Variants in CCBE1 observed in about 807,000 individuals in gnomAD.
The protein encoded by CCBE1 is collagen and calcium binding EGF domains 1.
CCBE1 carries 37 observed loss-of-function variants against 50.0 expected under a neutral mutation model. That is an observed-to-expected ratio of 0.74 (90% CI 0.57 to 0.97). The LOEUF (loss-of-function observed/expected upper bound fraction) is 0.97. Among genes scored for constraint, CCBE1 ranks in the 50% least tolerant of loss-of-function variants. The pLI is 0.00. For synonymous variants in CCBE1, 234 were observed against 203.7 expected (o/e 1.15, Z -1.27); for missense variants, 538 against 523.8 (o/e 1.03, Z -0.26).
intron 2 of CCBE1, among the ~76,000 whole-genome samples, chr18:59,490,483 T>G (rs1913048721): frequency 6.6e-6 from 1 of 152,188 alleles, no homozygotes; most frequent in Non-Finnish European, 1.5e-5. Flanking sequence ...ATCATTATTT[T>G]TCAAAGTCTT....
At chr18:59,493,525 T>C (rs1402716981) in intron 2 of CCBE1, among the ~76,000 whole-genome samples, 2 of 147,866 alleles carry the variant, frequency 1.4e-5, no homozygotes, top group Non-Finnish European at 3.0e-5. Flanking sequence ...TTTCCATAGA[T>C]TATTTAATTC....
intron 2 of CCBE1, among the ~76,000 whole-genome samples, chr18:59,684,488 T>C (rs2054632437): frequency 6.6e-6 from 1 of 152,152 alleles, no homozygotes; most frequent in African/African-American, 2.4e-5. Context: ...TCCTCAGTAA[T>C]AGGTTGCCAC....
chr18:59,475,527 T>C (rs970123099), intron 3 of CCBE1, among the ~76,000 whole-genome samples: 3 of 152,198 alleles, frequency 2.0e-5, no homozygotes, highest in African/African-American at 7.2e-5. Context: ...CTTTTGTTTA[T>C]TCTGTTTTTA....
rs182946069 is a variant in CCBE1, at chr18:59,631,841, C to T, written c.212+64788G>A. Among the ~76,000 whole-genome samples, 13 of 152,150 alleles carry T rather than the reference C, an allele frequency of 8.5e-5. No homozygotes were observed. The South Asian group carries it at 1.2e-3, about 15-fold the overall frequency. ...TGACTAGAATTAGGACCCTTAAAAG[C>T]GAAGTACTGGTGGTTTGGATGCCAT... On this transcript the variant is annotated intron_variant, in intron 2 of 10. Transcript: ENST00000439986.
intron 3 of CCBE1, among the ~76,000 whole-genome samples, chr18:59,479,842 A>T (rs192298740): frequency 1.3e-5 from 2 of 152,342 alleles, no homozygotes; most frequent in African/African-American, 4.8e-5. Flanking sequence ...AAAGGCAGGT[A>T]AAGAAAGCAG....
At chr18:59,438,854 G>C (rs1910277916) in intron 9 of CCBE1, among the ~76,000 whole-genome samples, 3 of 152,204 alleles carry the variant, frequency 2.0e-5, no homozygotes, top group African/African-American at 7.2e-5. Flanking sequence ...GAGGTAGAAA[G>C]TGAGAGACCT....
intron 3 of CCBE1, among the ~76,000 whole-genome samples, chr18:59,476,794 C>A (rs1912326072): frequency 6.6e-6 from 1 of 152,172 alleles, no homozygotes; most frequent in African/African-American, 2.4e-5. Context: ...CCATGGTACC[C>A]AGCTATTTAG....
intron 2 of CCBE1, among the ~76,000 whole-genome samples, chr18:59,668,141 C>T (rs1013806477): frequency 4.6e-5 from 7 of 151,984 alleles, no homozygotes; most frequent in Non-Finnish European, 2.9e-5. Context: ...AAAAATTGGC[C>T]GGACATGGTG....
chr18:59,480,536 A>T (rs2143772102), intron 2 of CCBE1, among the ~76,000 whole-genome samples: 1 of 152,320 alleles, frequency 6.6e-6, no homozygotes, highest in Non-Finnish European at 1.5e-5. Flanking sequence ...CAATTAAAGG[A>T]GTATAGGGCA....
chr18:59,556,778 AAG>A (rs1363898413), intron 2 of CCBE1, among the ~76,000 whole-genome samples: 1 of 152,226 alleles, frequency 6.6e-6, no homozygotes, highest in East Asian at 1.9e-4. Flanking sequence ...TGTCCAAGGA[AAG>A]AGGTATTCCG....
At chr18:59,681,311 G>A (rs945777813) in intron 2 of CCBE1, among the ~76,000 whole-genome samples, 11 of 152,134 alleles carry the variant, frequency 7.2e-5, no homozygotes, top group African/African-American at 2.7e-4. Flanking sequence ...AAGGAGACAC[G>A]TGTTGAAAAA....
At chr18:59,628,897 C>A (rs1208032249) in intron 2 of CCBE1, among the ~76,000 whole-genome samples, 1 of 152,210 alleles carries the variant, frequency 6.6e-6, no homozygotes, top group Non-Finnish European at 1.5e-5. Flanking sequence ...ATTAGTACCA[C>A]TTTTAAAACA....
chr18:59,578,502 G>A (rs567806957), intron 2 of CCBE1, among the ~76,000 whole-genome samples: 19 of 152,290 alleles, frequency 1.2e-4, no homozygotes, highest in East Asian at 1.9e-4. Flanking sequence ...ACACACGTAC[G>A]TTTACTGCGG....
chr18:59,453,442 G>A (rs1468367594), intron 6 of CCBE1, among the ~76,000 whole-genome samples: 1 of 152,126 alleles, frequency 6.6e-6, no homozygotes, highest in Non-Finnish European at 1.5e-5. Flanking sequence ...TTCCTATTAG[G>A]ATCATAAGCT....
chr18:59,571,253 TA>T (rs1175944011), intron 2 of CCBE1, among the ~76,000 whole-genome samples: 1 of 152,152 alleles, frequency 6.6e-6, no homozygotes, highest in South Asian at 2.1e-4. Flanking sequence ...TTCTTGCTTT[TA>T]AAAAAATTAG....
intron 2 of CCBE1, among the ~76,000 whole-genome samples, chr18:59,678,383 A>G (rs1300041500): frequency 6.6e-6 from 1 of 152,202 alleles, no homozygotes; most frequent in Admixed American, 6.5e-5. Context: ...AACATTTAAG[A>G]CATTAAAAAT....
chr18:59,657,524 A>G (rs181340506), intron 2 of CCBE1, among the ~76,000 whole-genome samples: 1 of 152,358 alleles, frequency 6.6e-6, no homozygotes, highest in Admixed American at 6.5e-5. Flanking sequence ...GCTTTCATTC[A>G]TTCTTGAGTT....
chr18:59,681,395 A>C (rs1260844013), intron 2 of CCBE1, among the ~76,000 whole-genome samples: 1 of 152,274 alleles, frequency 6.6e-6, no homozygotes, highest in Non-Finnish European at 1.5e-5. Flanking sequence ...AAGATGTGTA[A>C]GAAATTTTAT....
intron 2 of CCBE1, among the ~76,000 whole-genome samples, chr18:59,619,665 G>T (rs1280362152): frequency 6.6e-6 from 1 of 152,106 alleles, no homozygotes; most frequent in Admixed American, 6.5e-5. Context: ...TTAGTGTTTT[G>T]TTCTTGTCTG....
Sources: gnomAD v4.1 joint callset for allele counts (sites outside exome capture counted in the v4.1 genomes callset) on GRCh38, gnomAD v4.1.1 for gene constraint, MANE v1.5 for transcripts, NCBI Gene and HGNC (gene_info 2026-07-23, HGNC 2026-07-21) for gene names.